CAPN13: variants seen among roughly 807,000 people sequenced by gnomAD.
CAPN13 encodes the protein calpain-13.
In CAPN13, 90 loss-of-function variants were observed where a neutral mutation model predicts 98.4. The observed-to-expected ratio is 0.92, with a 90% CI of 0.77 to 1.09. The LOEUF (loss-of-function observed/expected upper bound fraction) is 1.09. Among genes scored for constraint, CAPN13 ranks in the 50% least tolerant of loss-of-function variants. CAPN13 has a pLI of 0.00. For missense variants in CAPN13, 887 were observed against 841.3 expected, an observed-to-expected ratio of 1.05 and a Z score of -0.67; for synonymous variants, 330 against 305.5, an observed-to-expected ratio of 1.08 and a Z score of -0.84.
intron 11 of CAPN13, 44 bp from the exon 12 acceptor site, chr2:30,745,778 A>G: frequency 6.3e-7 from 1 of 1,580,734 alleles, no homozygotes; most frequent in South Asian, 1.1e-5. Context: ...ACTCAGACGT[A>G]AACAAAAAGG....
At chr2:30,741,877 A>G in intron 15 of CAPN13, 31 bp downstream of exon 15, 15 of 1,613,616 alleles carry the variant, frequency 9.3e-6, no homozygotes, top group Non-Finnish European at 1.3e-5. Flanking sequence ...CTCCAATCCC[A>G]CGTAAGGCCC....
At chr2:30,725,012 C>G (rs72613859) in intron 22 of CAPN13, among the ~76,000 whole-genome samples, 5,896 of 152,190 alleles carry the variant, frequency 0.039, 201 homozygotes, top group East Asian at 0.14. Flanking sequence ...TATTTTTATA[C>G]AGTGGGAAAT....
intron 1 of CAPN13, among the ~76,000 whole-genome samples, chr2:30,805,747 C>CTTTATTTTTATTTT (rs60473516): frequency 8.2e-6 from 1 of 121,532 alleles, no homozygotes; most frequent in African/African-American, 3.3e-5. Flanking sequence ...GTAGGTTGGT[C>CTTTATTTTTATTTT]TTTTTTTTTT....
intron 3 of CAPN13, among the ~76,000 whole-genome samples, chr2:30,777,202 T>A (rs747997489): frequency 2.8e-4 from 42 of 152,204 alleles, no homozygotes; most frequent in Non-Finnish European, 4.4e-4. Flanking sequence ...TGGGAATGTC[T>A]GGTGGGGTGG....
intron 1 of CAPN13, among the ~76,000 whole-genome samples, chr2:30,803,612 A>C (rs1322116723): frequency 6.6e-6 from 1 of 152,178 alleles, no homozygotes; most frequent in African/African-American, 2.4e-5. Flanking sequence ...CTCCAGCCCA[A>C]GTCCTTAGAG....
In CAPN13 at chr2:30,732,340, C is replaced by T. The variant is rs527958153; in HGVS notation, c.1927+98G>A. The T allele has an allele frequency of 1.5e-5, 23 of 1,489,372 alleles. No individual in the cohort carries two copies. The Admixed American group carries it at 4.2e-4, about 27-fold the overall frequency. The allele number at this position is 1,489,372 out of a possible 1,614,324, so 92.3% of individuals were successfully genotyped here. A position where few individuals can be genotyped will look rare whatever the true frequency, so the allele number is the denominator to read the frequency against. On this transcript the variant is annotated intron_variant, in intron 20 of 22. Coordinates refer to ENST00000295055, the MANE Select transcript of CAPN13 (RefSeq NM_144575.3). ...CTGCTGGCCCACCCTGCTGCTGAGG[C>T]CTCACGCAGACCTGGGGTGGGGTAG...
At chr2:30,789,387 G>C (rs566579647) in intron 1 of CAPN13, among the ~76,000 whole-genome samples, 1 of 152,174 alleles carries the variant, frequency 6.6e-6, no homozygotes, top group South Asian at 2.1e-4. Context: ...AGCTAGTTTT[G>C]GTTTATGAAA....
chr2:30,801,928 G>T (rs889004808), intron 1 of CAPN13, among the ~76,000 whole-genome samples: 13 of 152,318 alleles, frequency 8.5e-5, no homozygotes, highest in African/African-American at 2.9e-4. Context: ...AGGCATGGCT[G>T]GAAAACAAGG....
chr2:30,763,221 A>C lies in CAPN13; in HGVS notation c.700-65T>G. ...AGGTTCTTCAAAGAAATAGAAAAAC[A>C]CAGTCCAAACAGCCACTGAGCCATC... On this transcript the variant is annotated intron_variant, in intron 6 of 22. Coordinates refer to ENST00000295055, the MANE Select transcript of CAPN13 (RefSeq NM_144575.3). The C allele has an allele frequency of 5.6e-6, 8 of 1,419,930 alleles. 1 individual carries two copies. Among genetic ancestry groups the C allele is most frequent in the Non-Finnish European group, 7.8e-6 (8 of 1,025,850 alleles). 88.0% of individuals were successfully genotyped at this position (1,419,930 alleles called of 1,614,324 possible).
At chr2:30,749,774 A>C (rs185476192) in intron 11 of CAPN13, among the ~76,000 whole-genome samples, 26 of 144,668 alleles carry the variant, frequency 1.8e-4, no homozygotes, top group East Asian at 3.9e-4. Context: ...CATGATCTTA[A>C]TTATCCACGT....
At chr2:30,762,817 T>C (rs1672914463) in intron 7 of CAPN13, among the ~76,000 whole-genome samples, 2 of 152,226 alleles carry the variant, frequency 1.3e-5, no homozygotes. Context: ...CCAGTCTAGA[T>C]AGACAGTCAG....
At position 30,726,247 on chromosome 2, in the gene CAPN13, G is replaced by A. The variant is rs185480436; in HGVS notation, c.*31-3011C>T. On this transcript the variant is annotated intron_variant, in intron 22 of 22. Coordinates refer to ENST00000295055, the MANE Select transcript of CAPN13 (RefSeq NM_144575.3). ...AAATAGAAGTGAACTTCCTCAACCT[G>A]GCAAATGGTATCTATGAAAAACTCA... Among the ~76,000 whole-genome samples, 26 of 152,242 alleles carry A rather than the reference G, an allele frequency of 1.7e-4. No individual in the cohort carries two copies. The East Asian group carries it at 3.1e-3, about 18-fold the overall frequency.
chr2:30,797,162 G>C (rs1674930065), intron 1 of CAPN13, among the ~76,000 whole-genome samples: 1 of 152,154 alleles, frequency 6.6e-6, no homozygotes, highest in African/African-American at 2.4e-5. Context: ...GGGGTCTACA[G>C]TGATCCTCAG....
At chr2:30,727,227 A>G (rs183777730) in intron 22 of CAPN13, among the ~76,000 whole-genome samples, 8 of 152,306 alleles carry the variant, frequency 5.3e-5, no homozygotes, top group Non-Finnish European at 1.5e-5. Context: ...AAACTATAAA[A>G]CAGAATAAAT....
chr2:30,734,552 T>C (rs771558593), intron 18 of CAPN13, 28 bp from the exon 19 acceptor site: 1 of 1,584,012 alleles, frequency 6.3e-7, no homozygotes, highest in Non-Finnish European at 8.7e-7. Flanking sequence ...GCAAGAAGTC[T>C]GTGTGAAGAC....
rs375712667 is a variant in CAPN13, at chr2:30,764,174, C to T, written c.657G>A (p.Ala219=). The change falls in exon 6 of 23, where the codon GCG becomes GCA. Residue 219 remains alanine (A), a synonymous_variant. Transcript: ENST00000295055. ...PVDLVKAVKT[A]TKAGSLITCA... ...AGGTTATCAGGGAGCCTGCCTTGGT[C>T]GCTGTCTTCACTGCCTTCACCAGGT... 315 of 1,596,916 alleles carry T rather than the reference C, an allele frequency of 2.0e-4. No individual in the cohort carries two copies. The highest frequency in any genetic ancestry group is 5.2e-4 in the Admixed American group (30 of 57,366).
intron 2 of CAPN13, among the ~76,000 whole-genome samples, chr2:30,779,583 T>G (rs549289338): frequency 5.3e-5 from 8 of 152,108 alleles, no homozygotes; most frequent in African/African-American, 1.9e-4. Flanking sequence ...CAAATATTGA[T>G]CCCCCTCTTT....
chr2:30,744,768 C>T (rs1572803951), intron 12 of CAPN13, among the ~76,000 whole-genome samples: 1 of 152,260 alleles, frequency 6.6e-6, no homozygotes, highest in East Asian at 1.9e-4. Context: ...GAGTATCCAG[C>T]ATCAACAAAC....
At chr2:30,724,178 A>G (rs1210549179) in intron 22 of CAPN13, among the ~76,000 whole-genome samples, 1 of 152,038 alleles carries the variant, frequency 6.6e-6, no homozygotes, top group South Asian at 2.1e-4. Context: ...TTTGTATTTT[A>G]TTACAATTAT....
Sources: allele counts gnomAD v4.1 joint callset (sites outside exome capture counted in the v4.1 genomes callset), GRCh38; gene constraint gnomAD v4.1.1; transcripts MANE v1.5; gene names NCBI Gene and HGNC (gene_info 2026-07-23, HGNC 2026-07-21).